Variants in CTCF observed in about 807,000 individuals in gnomAD.
CTCF encodes the protein CCCTC-binding factor.
In CTCF, 7 loss-of-function variants were observed where a neutral mutation model predicts 72.3. The ratio of observed to expected loss-of-function variants is 0.10; its 90% CI spans 0.06 to 0.18. The LOEUF (loss-of-function observed/expected upper bound fraction) is 0.18, where lower values mean the gene tolerates loss of function less well. Among genes scored for constraint, CTCF ranks in the 10% least tolerant of loss-of-function variants. The probability of loss-of-function intolerance (pLI) is 1.00; values close to 1 mark genes in which losing one functional copy is unlikely to be tolerated. For synonymous variants in CTCF, 374 were observed against 315.8 expected, an observed-to-expected ratio of 1.18 and a Z score of -1.95; for missense variants, 516 against 949.1, an observed-to-expected ratio of 0.54 and a Z score of 6.00.
At chr16:67,596,619 C>G (rs927832599) in intron 2 of CTCF, among the ~76,000 whole-genome samples, 1 of 151,912 alleles carries the variant, frequency 6.6e-6, no homozygotes, top group African/African-American at 2.4e-5. Context: ...GAGTCTCGCC[C>G]TGTCACCCAG....
At chr16:67,605,195 G>A (rs763475681) in intron 2 of CTCF, among the ~76,000 whole-genome samples, 3 of 151,392 alleles carry the variant, frequency 2.0e-5, no homozygotes, top group South Asian at 2.1e-4. Flanking sequence ...GGATGGTCTC[G>A]GTCTCCTGAC....
At position 67,565,321 on chromosome 16, in the gene CTCF, A is replaced by G. The variant is rs187921806; in HGVS notation, c.-127+2597A>G. On this transcript the variant is annotated intron_variant, in intron 1 of 11. Coordinates refer to ENST00000264010, the MANE Select transcript of CTCF (RefSeq NM_006565.4). Reference sequence around the variant, plus strand: ...CAGGCCAGGACCTGTTATTTAAATTAGTGATAGGAGGATGATTAAAACAGG... The same window carrying G: ...CAGGCCAGGACCTGTTATTTAAATTGGTGATAGGAGGATGATTAAAACAGG... Among the ~76,000 whole-genome samples the G allele has an allele frequency of 5.9e-5, 9 of 151,294 alleles. No homozygotes were observed. The East Asian group carries it at 1.8e-3, about 30-fold the overall frequency.
intron 10 of CTCF, among the ~76,000 whole-genome samples, chr16:67,633,664 G>A (rs1323802613): frequency 6.6e-6 from 1 of 151,888 alleles, no homozygotes; most frequent in Admixed American, 6.6e-5. Flanking sequence ...TAACACTTTG[G>A]GAGGTCAGGA....
At chr16:67,593,632 T>C (rs2051774613) in intron 2 of CTCF, among the ~76,000 whole-genome samples, 1 of 152,198 alleles carries the variant, frequency 6.6e-6, no homozygotes, top group Non-Finnish European at 1.5e-5. Flanking sequence ...TTTCAGAATT[T>C]CTGTGGCTTG....
chr16:67,563,863 A>G (rs1048094650), intron 1 of CTCF: 3 of 152,144 alleles, frequency 2.0e-5, no homozygotes, highest in South Asian at 2.1e-4. Flanking sequence ...GGATTGTGCA[A>G]CTCGATCTAG....
chr16:67,631,612 T>C (rs1228332460), intron 10 of CTCF, among the ~76,000 whole-genome samples: 1 of 151,942 alleles, frequency 6.6e-6, no homozygotes, highest in Non-Finnish European at 1.5e-5. Context: ...CTTTATGGGT[T>C]TTATTGTAAA....
At chr16:67,577,932 C>T (rs2051522481) in intron 2 of CTCF, among the ~76,000 whole-genome samples, 1 of 152,012 alleles carries the variant, frequency 6.6e-6, no homozygotes, top group Admixed American at 6.6e-5. Flanking sequence ...TAAATATTAC[C>T]CAAGTAATGT....
At chr16:67,602,741 T>C (rs2051911959) in intron 2 of CTCF, among the ~76,000 whole-genome samples, 1 of 150,130 alleles carries the variant, frequency 6.7e-6, no homozygotes, top group African/African-American at 2.5e-5. Context: ...CTCGGGAGGC[T>C]GAGGCAGGAG....
chr16:67,623,064 C>A (rs1353225848), intron 7 of CTCF, among the ~76,000 whole-genome samples: 1 of 150,822 alleles, frequency 6.6e-6, no homozygotes, highest in Non-Finnish European at 1.5e-5. Flanking sequence ...TGGGTTCAAG[C>A]TCTTCTCCTG....
At chr16:67,616,676 C>A in intron 4 of CTCF, 69 bp from the exon 5 acceptor site, 1 of 1,558,312 alleles carries the variant, frequency 6.4e-7, no homozygotes, top group South Asian at 1.1e-5. Context: ...AGTTCTGTGC[C>A]ACACATTGAA....
chr16:67,630,421 T>A (rs1242732970), intron 10 of CTCF, among the ~76,000 whole-genome samples: 1 of 152,090 alleles, frequency 6.6e-6, no homozygotes, highest in Admixed American at 6.6e-5. Flanking sequence ...GTTTTTTGCC[T>A]CTCTAGTCAT....
intron 2 of CTCF, among the ~76,000 whole-genome samples, chr16:67,597,945 G>A (rs1021592541): frequency 7.2e-5 from 11 of 152,156 alleles, no homozygotes; most frequent in African/African-American, 2.4e-4. Flanking sequence ...GTTTGGGGCT[G>A]GAGGGGAAGG....
chr16:67,601,564 G>T (rs145765408), intron 2 of CTCF, among the ~76,000 whole-genome samples: 464 of 151,976 alleles, frequency 3.1e-3, no homozygotes, highest in African/African-American at 0.011. Flanking sequence ...GGATGGTCTC[G>T]ATCTCCTGAC....
At chr16:67,606,510 C>T (rs2051975082) in intron 2 of CTCF, among the ~76,000 whole-genome samples, 2 of 152,174 alleles carry the variant, frequency 1.3e-5, no homozygotes, top group Admixed American at 1.3e-4. Context: ...CAGGCGTGAG[C>T]CACCACGCCC....
At chr16:67,620,846 A>G in intron 6 of CTCF, 29 bp downstream of exon 6, 1 of 1,524,378 alleles carries the variant, frequency 6.6e-7, no homozygotes, top group South Asian at 1.3e-5. Context: ...TTACTGTATT[A>G]ATGAGCTTCT....
chr16:67,629,196 C>G (rs1041979569), intron 9 of CTCF, among the ~76,000 whole-genome samples: 3 of 151,980 alleles, frequency 2.0e-5, no homozygotes, highest in Admixed American at 6.6e-5. Flanking sequence ...GATCCTCCCC[C>G]GTCTCTGTCT....
Position 67,612,007 on chromosome 16 carries a change from A to C in CTCF, c.838A>C (p.Asn280His). 1 of 1,614,148 alleles carries C rather than the reference A, an allele frequency of 6.2e-7. No individual in the cohort carries two copies. Among genetic ancestry groups the C allele is most frequent in the Non-Finnish European group, 8.5e-7 (1 of 1,180,010 alleles). ...CAGTTACACGTGTCCACGGCGTTCA[A>C]ATTTGGATCGTCACATGAAAAGCCA... ...LCSYTCPRRS[N>H]LDRHMKSHTD... The change falls in exon 4 of 12, where the codon AAT becomes CAT. Residue 280 changes from asparagine to histidine, a missense_variant. Physicochemically the swap from Asn to His is moderately conservative, Grantham distance 68. Around this residue, in one of 7 missense-constraint regions of CTCF, gnomAD observed 70 missense variants for 290.1 expected, o/e 0.24. Coordinates refer to ENST00000264010, the MANE Select transcript of CTCF (RefSeq NM_006565.4).
chr16:67,621,865 G>A (rs2052203933), intron 7 of CTCF, among the ~76,000 whole-genome samples: 1 of 151,148 alleles, frequency 6.6e-6, no homozygotes, highest in African/African-American at 2.4e-5. Context: ...AGGAGACAGA[G>A]TACACCTTTA....
At chr16:67,595,680 C>T (rs1348533288) in intron 2 of CTCF, among the ~76,000 whole-genome samples, 1 of 151,938 alleles carries the variant, frequency 6.6e-6, no homozygotes, top group Non-Finnish European at 1.5e-5. Flanking sequence ...AAAACTGCAG[C>T]GAGAAGGTAG....
Sources: allele counts gnomAD v4.1 joint callset (sites outside exome capture counted in the v4.1 genomes callset), GRCh38; gene constraint gnomAD v4.1.1; regional missense constraint gnomAD v4.1.1; transcripts MANE v1.5; gene names NCBI Gene and HGNC (gene_info 2026-07-23, HGNC 2026-07-21).